TMEM131L: variants seen among roughly 807,000 people sequenced by gnomAD.
TMEM131L encodes transmembrane protein 131-like.
TMEM131L carries 54 observed loss-of-function variants against 192.2 expected under a neutral mutation model. The observed-to-expected ratio is 0.28, with a 90% CI of 0.23 to 0.35. The LOEUF (loss-of-function observed/expected upper bound fraction) is 0.35. Among genes scored for constraint, TMEM131L ranks in the 10% least tolerant of loss-of-function variants. TMEM131L has a pLI of 1.00. For missense variants in TMEM131L, 1,888 were observed against 1,972.9 expected (o/e 0.96, Z 0.82); for synonymous variants, 701 against 704.9 (o/e 0.99, Z 0.09).
intron 7 of TMEM131L, among the ~76,000 whole-genome samples, chr4:153,574,732 C>G (rs1052861654): frequency 1.3e-5 from 2 of 152,110 alleles, no homozygotes; most frequent in African/African-American, 2.4e-5. Flanking sequence ...AGATTACAGG[C>G]GTGTGCCACC....
chr4:153,592,594 C>T lies in TMEM131L; in HGVS notation c.1922+10C>T. On this transcript the variant is annotated intron_variant, in intron 18 of 34. Coordinates refer to ENST00000409959, the MANE Select transcript of TMEM131L (RefSeq NM_001131007.2). The stretch of plus-strand genomic sequence containing the variant: ...ACCTGCTCCACAGATGGTATGAAGA[C>T]TTTTTTTCTGAGAGGCAGTTTGGGA... 6.3e-7 allele frequency: 1 copy of T among 1,576,424 alleles called. No individual in the cohort carries two copies. The highest frequency in any genetic ancestry group is 8.7e-7 in the Non-Finnish European group (1 of 1,145,690).
intron 3 of TMEM131L, among the ~76,000 whole-genome samples, chr4:153,543,553 G>A (rs1057258036): frequency 6.6e-6 from 1 of 152,212 alleles, no homozygotes; most frequent in African/African-American, 2.4e-5. Flanking sequence ...GCCGCCTGGA[G>A]TAACCAGTCT....
chr4:153,612,036 C>G (rs1732655846), intron 25 of TMEM131L, among the ~76,000 whole-genome samples: 1 of 152,092 alleles, frequency 6.6e-6, no homozygotes, highest in South Asian at 2.1e-4. Context: ...ACCTTTTTCC[C>G]TTGACCTCTT....
At chr4:153,546,346 A>C (rs528169285) in intron 3 of TMEM131L, among the ~76,000 whole-genome samples, 241 of 152,186 alleles carry the variant, frequency 1.6e-3, no homozygotes, top group Non-Finnish European at 3.2e-3. Flanking sequence ...GACTCCTAAG[A>C]GTAAAAGAGG....
intron 26 of TMEM131L, among the ~76,000 whole-genome samples, chr4:153,616,425 G>T (rs1732979914): frequency 6.6e-6 from 1 of 152,054 alleles, no homozygotes; most frequent in Admixed American, 6.5e-5. Flanking sequence ...TGTTTTTCTT[G>T]CACATTCTTA....
intron 26 of TMEM131L, among the ~76,000 whole-genome samples, chr4:153,612,735 C>T (rs1466121474): frequency 6.6e-6 from 1 of 152,036 alleles, no homozygotes; most frequent in Non-Finnish European, 1.5e-5. Context: ...CATACTCTTG[C>T]TGAGTTGTAT....
At chr4:153,632,526 C>CT in intron 31 of TMEM131L, 192 bp from the exon 32 acceptor site, 1 of 599,678 alleles carries the variant, frequency 1.7e-6, no homozygotes. Context: ...CAATCGGACA[C>CT]TGTCTGAAGA....
chr4:153,467,713 C>G (rs1730863062), intron 2 of TMEM131L, among the ~76,000 whole-genome samples: 1 of 152,214 alleles, frequency 6.6e-6, no homozygotes, highest in Non-Finnish European at 1.5e-5. Flanking sequence ...AGATGTGACT[C>G]TCAAGGATTG....
rs191574181 is a variant in TMEM131L, at chr4:153,552,880, T to C, written c.308+2739T>C. On this transcript the variant is annotated intron_variant, in intron 4 of 34. Transcript: ENST00000409959. The stretch of plus-strand genomic sequence containing the variant: ...ACTCTAGTTTACTTATAATGACTAA[T>C]ATAGTGTAAATACTATGTAAATAGT... Among the ~76,000 whole-genome samples the C allele has an allele frequency of 8.1e-4, 123 of 151,894 alleles. No homozygotes were observed. The East Asian group carries it at 0.016, about 20-fold the overall frequency.
Position 153,524,988 on chromosome 4 carries a change from T to C in TMEM131L, c.240-25085T>C, listed in dbSNP as rs572346892. On this transcript the variant is annotated intron_variant, in intron 3 of 34. Coordinates refer to ENST00000409959, the MANE Select transcript of TMEM131L (RefSeq NM_001131007.2). The stretch of plus-strand genomic sequence containing the variant: ...TGTTCCATGGAGGTAAAGCAGGGGC[T>C]ATCTCTGTAAGTAGTTTCATTGGAT... Among the ~76,000 whole-genome samples, 26 of 152,354 alleles carry C rather than the reference T, an allele frequency of 1.7e-4. No homozygotes were observed. The South Asian group carries it at 3.7e-3, about 22-fold the overall frequency.
At chr4:153,510,300 T>G (rs1181537492) in intron 3 of TMEM131L, among the ~76,000 whole-genome samples, 1 of 152,148 alleles carries the variant, frequency 6.6e-6, no homozygotes, top group Non-Finnish European at 1.5e-5. Flanking sequence ...CATGCAGGCA[T>G]TGAATATTTA....
chr4:153,470,748 C>T (rs960892512), intron 2 of TMEM131L, among the ~76,000 whole-genome samples: 30 of 152,226 alleles, frequency 2.0e-4, no homozygotes, highest in African/African-American at 7.0e-4. Context: ...GTGATCCACG[C>T]ATAGGTGATG....
intron 7 of TMEM131L, among the ~76,000 whole-genome samples, chr4:153,576,872 T>C (rs1338188428): frequency 1.3e-5 from 2 of 152,198 alleles, no homozygotes; most frequent in Non-Finnish European, 1.5e-5. Flanking sequence ...GCTGATTCCC[T>C]AGCATCTGTG....
chr4:153,510,153 T>C (rs1734255285), intron 3 of TMEM131L, among the ~76,000 whole-genome samples: 1 of 152,126 alleles, frequency 6.6e-6, no homozygotes, highest in Non-Finnish European at 1.5e-5. Flanking sequence ...GTTTAAAAAA[T>C]GATTTTTTTT....
intron 26 of TMEM131L, among the ~76,000 whole-genome samples, chr4:153,615,165 A>G (rs1732891364): frequency 1.3e-5 from 2 of 152,194 alleles, no homozygotes; most frequent in South Asian, 4.1e-4. Flanking sequence ...CAAAATAAGG[A>G]TGATAATTGT....
chr4:153,583,930 CA>C (rs1730531475), intron 11 of TMEM131L, among the ~76,000 whole-genome samples: 1 of 152,190 alleles, frequency 6.6e-6, no homozygotes, highest in Non-Finnish European at 1.5e-5. Context: ...GGAAGGAAAG[CA>C]CTGTTAGGTT....
intron 3 of TMEM131L, among the ~76,000 whole-genome samples, chr4:153,481,509 A>G (rs1411093962): frequency 2.6e-5 from 4 of 152,192 alleles, no homozygotes; most frequent in African/African-American, 9.6e-5. Flanking sequence ...CAGGACTAGT[A>G]TTTGTGTTAG....
chr4:153,560,058 C>A (rs1185933638), intron 7 of TMEM131L, among the ~76,000 whole-genome samples: 1 of 152,130 alleles, frequency 6.6e-6, no homozygotes, highest in Non-Finnish European at 1.5e-5. Flanking sequence ...CTTCCTTTTT[C>A]AACTCACACT....
intron 17 of TMEM131L, among the ~76,000 whole-genome samples, chr4:153,591,848 G>A (rs1731091200): frequency 6.6e-6 from 1 of 151,972 alleles, no homozygotes; most frequent in African/African-American, 2.4e-5. Context: ...AGTATATCAG[G>A]AGCTCCCAAA....
Sources: gnomAD v4.1 joint callset for allele counts (sites outside exome capture counted in the v4.1 genomes callset) on GRCh38, gnomAD v4.1.1 for gene constraint, MANE v1.5 for transcripts, NCBI Gene and HGNC (gene_info 2026-07-23, HGNC 2026-07-21) for gene names.